Variants in SPIN1 observed in about 807,000 individuals in gnomAD.
The protein encoded by SPIN1 is spindlin-1.
SPIN1 carries 3 observed loss-of-function variants against 26.0 expected under a neutral mutation model. The observed-to-expected ratio is 0.12, with a 90% CI of 0.05 to 0.30. The LOEUF (loss-of-function observed/expected upper bound fraction) is 0.30, where lower values mean the gene tolerates loss of function less well. SPIN1 is among the 10% of genes least tolerant of loss of function. The probability of loss-of-function intolerance (pLI) is 1.00; values close to 1 mark genes in which losing one functional copy is unlikely to be tolerated. For missense variants in SPIN1, 126 were observed against 333.4 expected (o/e 0.38, Z 4.84); for synonymous variants, 101 against 116.5 (o/e 0.87, Z 0.86).
chr9:88,403,682 T>A (rs1165797862), intron 1 of SPIN1, among the ~76,000 whole-genome samples: 1 of 152,114 alleles, frequency 6.6e-6, no homozygotes, highest in East Asian at 1.9e-4. Context: ...CCGCTGCACT[T>A]AGCCTGGGTG....
At chr9:88,416,048 G>T (rs1198889578) in intron 1 of SPIN1, among the ~76,000 whole-genome samples, 1 of 151,762 alleles carries the variant, frequency 6.6e-6, no homozygotes, top group Non-Finnish European at 1.5e-5. Flanking sequence ...GAGCCACCAC[G>T]CCTAGCCCAA....
At position 88,475,338 on chromosome 9, in the gene SPIN1, A is replaced by G. The variant is rs1228686960; in HGVS notation, c.*61A>G. The G allele has an allele frequency of 5.9e-6, 9 of 1,532,210 alleles. No homozygotes were observed. Among genetic ancestry groups the G allele is most frequent in the Non-Finnish European group, 7.2e-6 (8 of 1,118,264 alleles). The allele number at this position is 1,532,210 out of a possible 1,614,324, so 94.9% of individuals were successfully genotyped here. A position where few individuals can be genotyped will look rare whatever the true frequency, so the allele number is the denominator to read the frequency against. ...TGAAATGTATTATTTGTAGACATAA[A>G]GACTTGATTGCTTTCCAGTTTAATG... On this transcript the variant is annotated 3_prime_UTR_variant, in exon 6 of 6. Coordinates refer to ENST00000375859, the MANE Select transcript of SPIN1 (RefSeq NM_006717.3).
rs543347550 is a variant in SPIN1, at chr9:88,410,259, C to T, written c.-158-16123C>T. On this transcript the variant is annotated intron_variant, in intron 1 of 5. Transcript: ENST00000375859. ...GACTATTACATTTAGCAATCAACAG[C>T]ATGGGTGCAAAAAAAATCTACATTA... Among the ~76,000 whole-genome samples the T allele has an allele frequency of 3.3e-5, 5 of 150,620 alleles. No individual in the cohort carries two copies. The South Asian group carries it at 8.4e-4, about 25-fold the overall frequency.
intron 1 of SPIN1, among the ~76,000 whole-genome samples, chr9:88,407,128 C>A (rs1827327285): frequency 7.9e-6 from 1 of 126,432 alleles, no homozygotes; most frequent in South Asian, 2.4e-4. Context: ...TCAAATTGAT[C>A]TTCCTTTAAA....
intron 1 of SPIN1, among the ~76,000 whole-genome samples, chr9:88,402,531 G>T (rs8181157): frequency 0.2 from 28,086 of 141,324 alleles, 3,446 homozygotes; most frequent in African/African-American, 0.38. Flanking sequence ...TTTTTTTATA[G>T]CTCCCATGTA....
intron 1 of SPIN1, among the ~76,000 whole-genome samples, chr9:88,402,797 C>G (rs886184083): frequency 6.6e-6 from 1 of 152,152 alleles, no homozygotes. Context: ...TTTGATAATA[C>G]TGAATTCTTT....
chr9:88,462,801 C>T (rs993522661), intron 4 of SPIN1, 52 bp downstream of exon 4: 7 of 1,513,278 alleles, frequency 4.6e-6, no homozygotes, highest in Non-Finnish European at 6.2e-6. Context: ...TGATATTGAA[C>T]TGGATGCTTT....
chr9:88,444,637 G>A (rs1828206435), intron 2 of SPIN1, among the ~76,000 whole-genome samples: 2 of 151,006 alleles, frequency 1.3e-5, no homozygotes, highest in Admixed American at 6.6e-5. Flanking sequence ...TAGTGATGGT[G>A]GTCACTTTCA....
At chr9:88,407,755 ATCTC>A (rs1164424693) in intron 1 of SPIN1, among the ~76,000 whole-genome samples, 8 of 149,496 alleles carry the variant, frequency 5.4e-5, no homozygotes, top group East Asian at 2.0e-4. Context: ...TATGACTGGA[ATCTC>A]TCTCTCTTTT....
intron 3 of SPIN1, among the ~76,000 whole-genome samples, chr9:88,460,966 G>A (rs1828567978): frequency 6.6e-6 from 1 of 152,174 alleles, no homozygotes; most frequent in Non-Finnish European, 1.5e-5. Context: ...CTGTTTTTGA[G>A]GCCTGCTCCT....
intron 5 of SPIN1, among the ~76,000 whole-genome samples, chr9:88,474,795 C>T (rs1828856694): frequency 6.6e-6 from 1 of 152,150 alleles, no homozygotes; most frequent in Admixed American, 6.5e-5. Flanking sequence ...TATTGGAACA[C>T]AGCCACATCT....
chr9:88,426,189 G>C (rs1296910060), intron 1 of SPIN1, among the ~76,000 whole-genome samples, 193 bp from the exon 2 acceptor site: 1 of 152,158 alleles, frequency 6.6e-6, no homozygotes, highest in African/African-American at 2.4e-5. Context: ...TTTTTAAAGA[G>C]TCTATCACCT....
At chr9:88,470,185 A>C (rs1473341823) in intron 5 of SPIN1, among the ~76,000 whole-genome samples, 1 of 152,182 alleles carries the variant, frequency 6.6e-6, no homozygotes, top group Non-Finnish European at 1.5e-5. Flanking sequence ...CATTGTATGG[A>C]TATACTACAT....
At chr9:88,435,891 A>C (rs369629880) in intron 2 of SPIN1, among the ~76,000 whole-genome samples, 1 of 152,020 alleles carries the variant, frequency 6.6e-6, no homozygotes, top group Non-Finnish European at 1.5e-5. Context: ...CTCAGATCCT[A>C]TGTGTTTATG....
chr9:88,444,822 C>G lies in SPIN1; in HGVS notation c.53-4119C>G, dbSNP rs1305786423. Among the ~76,000 whole-genome samples the G allele has an allele frequency of 2.0e-5, 3 of 151,764 alleles. No individual in the cohort carries two copies. The East Asian group carries it at 5.8e-4, about 30-fold the overall frequency. On this transcript the variant is annotated intron_variant, in intron 2 of 5. Coordinates refer to ENST00000375859, the MANE Select transcript of SPIN1 (RefSeq NM_006717.3). The stretch of plus-strand genomic sequence containing the variant: ...TCTCCTGCCTCAGCCTCCCGAGTAG[C>G]TGGGACTACAGGTGACCACCAGCAC...
intron 1 of SPIN1, among the ~76,000 whole-genome samples, chr9:88,402,594 C>G (rs1827215163): frequency 6.6e-6 from 1 of 151,106 alleles, no homozygotes; most frequent in African/African-American, 2.4e-5. Flanking sequence ...GCTTATTTCA[C>G]TTAACATAAT....
intron 1 of SPIN1, among the ~76,000 whole-genome samples, chr9:88,419,781 A>G (rs1194163234): frequency 2.0e-5 from 3 of 152,148 alleles, no homozygotes; most frequent in Non-Finnish European, 4.4e-5. Context: ...TTTTGAGCTA[A>G]TCTTCTGCAC....
chr9:88,427,798 C>T, intron 2 of SPIN1, among the ~76,000 whole-genome samples: 1 of 152,006 alleles, frequency 6.6e-6, no homozygotes, highest in East Asian at 1.9e-4. Context: ...GGGGTTTTGC[C>T]ATGTTGGCCA....
chr9:88,448,871 T>A, intron 2 of SPIN1, 70 bp from the exon 3 acceptor site: 1 of 1,466,972 alleles, frequency 6.8e-7, no homozygotes, highest in Non-Finnish European at 9.5e-7. Context: ...TTTCAGAAGT[T>A]AAGATTTCCT....
Sources: allele counts gnomAD v4.1 joint callset (sites outside exome capture counted in the v4.1 genomes callset), GRCh38; gene constraint gnomAD v4.1.1; transcripts MANE v1.5; gene names NCBI Gene and HGNC (gene_info 2026-07-23, HGNC 2026-07-21).